The following GALNT14 variants were observed in gnomAD, a reference collection of about 807,000 sequenced individuals.
The protein encoded by GALNT14 is UDP-GalNAc:polypeptide N-acetylgalactosaminyltransferase 14.
A neutral mutation model predicts 77.5 loss-of-function variants in GALNT14; 60 were observed. That is an observed-to-expected ratio of 0.77 (90% confidence interval 0.63 to 0.96). GALNT14 has a LOEUF of 0.96. Among genes scored for constraint, GALNT14 ranks in the 40% least tolerant of loss-of-function variants. GALNT14 has a pLI of 0.00. For missense variants in GALNT14, 710 were observed against 731.0 expected (o/e 0.97, Z 0.33); for synonymous variants, 280 against 281.7 (o/e 0.99, Z 0.06).
chr2:31,056,140 C>T (rs946749642), intron 1 of GALNT14, among the ~76,000 whole-genome samples: 2 of 152,204 alleles, frequency 1.3e-5, no homozygotes, highest in African/African-American at 2.4e-5. Context: ...TCCCAAAATG[C>T]TGACTCAGCA....
intron 6 of GALNT14, among the ~76,000 whole-genome samples, chr2:30,955,219 G>C (rs1667283992): frequency 6.6e-6 from 1 of 152,086 alleles, no homozygotes; most frequent in Non-Finnish European, 1.5e-5. Context: ...CAGGAATTAG[G>C]GGATGAAGCC....
intron 13 of GALNT14, among the ~76,000 whole-genome samples, chr2:30,922,371 T>C (rs569138597): frequency 6.6e-6 from 1 of 152,318 alleles, no homozygotes; most frequent in East Asian, 1.9e-4. Context: ...TGAGATCTCA[T>C]AGCATCCTGT....
chr2:30,898,192 T>C, the GALNT14 span, among the ~76,000 whole-genome samples: 2 of 152,166 alleles, frequency 1.3e-5, no homozygotes, highest in African/African-American at 2.4e-5. Context: ...AGGGAGAAAG[T>C]GGGCCCTCAT....
chr2:31,040,219 G>T (rs1014929345), intron 1 of GALNT14, among the ~76,000 whole-genome samples: 1 of 152,256 alleles, frequency 6.6e-6, no homozygotes, highest in South Asian at 2.1e-4. Flanking sequence ...ATGTTTTGGG[G>T]TTTTTTTGTT....
intron 1 of GALNT14, among the ~76,000 whole-genome samples, chr2:31,012,675 C>T (rs1352405269): frequency 6.6e-6 from 1 of 152,060 alleles, no homozygotes; most frequent in Non-Finnish European, 1.5e-5. Context: ...AAGCAAGATG[C>T]AAAGGAACTG....
chr2:30,975,867 T>C (rs1668596534), intron 2 of GALNT14, among the ~76,000 whole-genome samples: 1 of 152,202 alleles, frequency 6.6e-6, no homozygotes, highest in African/African-American at 2.4e-5. Flanking sequence ...ACCATCATCA[T>C]CATTTCAAAA....
the GALNT14 span, among the ~76,000 whole-genome samples, chr2:30,901,333 T>G: frequency 9.1e-4 from 138 of 152,112 alleles, no homozygotes; most frequent in Non-Finnish European, 4.4e-5. Context: ...CATATTGAGC[T>G]CAGTTTTACC....
intron 1 of GALNT14, among the ~76,000 whole-genome samples, chr2:31,070,480 A>AACTCAAACAAGCTTGC (rs1237644985): frequency 1.3e-5 from 2 of 152,114 alleles, no homozygotes; most frequent in Non-Finnish European, 2.9e-5. Context: ...TTTTACACTG[A>AACTCAAACAAGCTTGC]ACTCAAACAA....
intron 2 of GALNT14, among the ~76,000 whole-genome samples, chr2:30,969,006 G>C (rs1668182477): frequency 6.6e-6 from 1 of 152,158 alleles, no homozygotes; most frequent in African/African-American, 2.4e-5. Context: ...AGGTCTGTGA[G>C]AGCATGGAGG....
chr2:30,989,560 T>TTATATATATATATATA (rs57594110), intron 2 of GALNT14, among the ~76,000 whole-genome samples: 8 of 87,094 alleles, frequency 9.2e-5, no homozygotes, highest in East Asian at 3.7e-4. Context: ...GGTAAATACC[T>TTATATATATATATATA]TATATATATA....
At chr2:31,075,537 G>A (rs912690160) in intron 1 of GALNT14, among the ~76,000 whole-genome samples, 26 of 152,194 alleles carry the variant, frequency 1.7e-4, no homozygotes, top group African/African-American at 5.8e-4. Context: ...GTCACAGCTG[G>A]ACATGGCAGC....
At chr2:30,990,062 C>T (rs1407454536) in intron 2 of GALNT14, among the ~76,000 whole-genome samples, 2 of 152,026 alleles carry the variant, frequency 1.3e-5, no homozygotes, top group Non-Finnish European at 2.9e-5. Context: ...GAGATCTTCA[C>T]TGCAATTTCG....
chr2:31,096,488 T>G (rs1004425366), intron 1 of GALNT14, among the ~76,000 whole-genome samples: 1 of 152,178 alleles, frequency 6.6e-6, no homozygotes, highest in African/African-American at 2.4e-5. Flanking sequence ...TATAAGTTTA[T>G]GAGGATAAAA....
intron 1 of GALNT14, among the ~76,000 whole-genome samples, chr2:31,135,524 A>G (rs1168280829): frequency 6.6e-6 from 1 of 152,204 alleles, no homozygotes; most frequent in Non-Finnish European, 1.5e-5. Context: ...CTAACAAAAA[A>G]AAAAGAAGAC....
intron 2 of GALNT14, among the ~76,000 whole-genome samples, chr2:30,975,687 T>G (rs1342369992): frequency 6.6e-6 from 1 of 152,222 alleles, no homozygotes; most frequent in African/African-American, 2.4e-5. Context: ...CCCTGAACTT[T>G]AATTGGTATA....
intron 1 of GALNT14, among the ~76,000 whole-genome samples, chr2:31,031,344 T>A (rs953049803): frequency 6.6e-6 from 1 of 152,148 alleles, no homozygotes; most frequent in Non-Finnish European, 1.5e-5. Context: ...AGAAAGCACA[T>A]GACTTGGTCA....
At chr2:30,902,279 C>G in the GALNT14 span, among the ~76,000 whole-genome samples, 1 of 152,142 alleles carries the variant, frequency 6.6e-6, no homozygotes, top group Non-Finnish European at 1.5e-5. Context: ...GCTGCATCAC[C>G]CTCAGGTTAG....
At chr2:31,122,849 A>G (rs1678480302) in intron 1 of GALNT14, among the ~76,000 whole-genome samples, 1 of 152,230 alleles carries the variant, frequency 6.6e-6, no homozygotes, top group African/African-American at 2.4e-5. Flanking sequence ...GTAGCCTAAA[A>G]GCAACCATAG....
intron 2 of GALNT14, among the ~76,000 whole-genome samples, chr2:30,990,867 G>A (rs2241428): frequency 0.31 from 47,642 of 152,012 alleles, 8,034 homozygotes; most frequent in African/African-American, 0.42. Context: ...CTTCCCAAAG[G>A]GAGTCTAAAT....
Sources: allele counts gnomAD v4.1 joint callset (sites outside exome capture counted in the v4.1 genomes callset), GRCh38; gene constraint gnomAD v4.1.1; transcripts MANE v1.5; gene names NCBI Gene and HGNC (gene_info 2026-07-23, HGNC 2026-07-21).